STRBP: variants seen among roughly 807,000 people sequenced by gnomAD.
The protein encoded by STRBP is spermatid perinuclear RNA-binding protein.
STRBP carries 13 observed loss-of-function variants against 80.1 expected under a neutral mutation model. The ratio of observed to expected loss-of-function variants is 0.16; its 90% CI spans 0.11 to 0.26. The LOEUF is 0.26. Among genes scored for constraint, STRBP ranks in the 10% least tolerant of loss-of-function variants. The probability of loss-of-function intolerance (pLI) is 1.00; values close to 1 mark genes in which losing one functional copy is unlikely to be tolerated. For missense variants in STRBP, 485 were observed against 815.2 expected, an observed-to-expected ratio of 0.59 and a Z score of 4.93; for synonymous variants, 284 against 291.2, an observed-to-expected ratio of 0.98 and a Z score of 0.25.
At chr9:123,144,793 A>T (rs547398684) in intron 13 of STRBP, among the ~76,000 whole-genome samples, 12 of 152,336 alleles carry the variant, frequency 7.9e-5, no homozygotes, top group Admixed American at 7.2e-4. Flanking sequence ...ACCTCAAAAT[A>T]GCAAATTATG....
At chr9:123,142,147 A>C (rs2036614881) in intron 13 of STRBP, among the ~76,000 whole-genome samples, 1 of 152,188 alleles carries the variant, frequency 6.6e-6, no homozygotes, top group Admixed American at 6.5e-5. Flanking sequence ...TCTCATGTCA[A>C]ATTGAAATCC....
At chr9:123,233,948 A>C (rs541291778) in intron 2 of STRBP, among the ~76,000 whole-genome samples, 67 of 152,238 alleles carry the variant, frequency 4.4e-4, no homozygotes, top group Admixed American at 1.2e-3. Flanking sequence ...CGCCTGTAAT[A>C]CCAGCACTTT....
intron 2 of STRBP, among the ~76,000 whole-genome samples, chr9:123,192,711 C>T (rs1440391104): frequency 6.6e-6 from 1 of 152,156 alleles, no homozygotes; most frequent in Non-Finnish European, 1.5e-5. Context: ...GTCTTGTATA[C>T]CACTGTGTAA....
At chr9:123,214,634 C>G (rs2039832092) in intron 2 of STRBP, among the ~76,000 whole-genome samples, 1 of 152,164 alleles carries the variant, frequency 6.6e-6, no homozygotes, top group African/African-American at 2.4e-5. Flanking sequence ...AGAGTCAGGT[C>G]AAATGCTACC....
In STRBP at chr9:123,136,037, A is replaced by C. The variant is rs556463554; in HGVS notation, c.1773+4T>G. 7 of 1,614,064 alleles carry C rather than the reference A, an allele frequency of 4.3e-6. No individual in the cohort carries two copies. The East Asian group carries it at 1.3e-4, about 31-fold the overall frequency. On this transcript the variant is annotated splice_donor_region_variant and intron_variant, in intron 16 of 18. Transcript: ENST00000348403. The surrounding 1 kb of genome is among the most constrained non-coding windows in gnomAD (Gnocchi z 4.2). ...TTCTGCAAAGGTTTAATGTTTACTC[A>C]TACCTGAGGGATAATCTTCTTTTTC... is the stretch of plus-strand genomic sequence containing the variant.
rs1235714559 is a variant in STRBP at position 123,254,654 on chromosome 9, G to T, written c.-302+13782C>A. Among the ~76,000 whole-genome samples the T allele has an allele frequency of 2.0e-5, 3 of 151,908 alleles. No individual in the cohort carries two copies. The East Asian group carries it at 5.8e-4, about 29-fold the overall frequency. ...CAAACCAATCATGTGAAATAAAATT[G>T]CCAAGATTTAAAAAAATTTACAATA... On this transcript the variant is annotated intron_variant, in intron 1 of 18. Transcript: ENST00000348403.
rs1049500401 is a variant in STRBP, at chr9:123,123,446, T to C, written c.*2151A>G. ...TAACAAAGGACTGACAGCTCGATTATTTTAAGTAAAGCAGAGAAATGTAAA... is the reference window on the plus strand; with the variant it reads ...TAACAAAGGACTGACAGCTCGATTACTTTAAGTAAAGCAGAGAAATGTAAA... On this transcript the variant is annotated 3_prime_UTR_variant, in exon 19 of 19. Coordinates refer to ENST00000348403, the MANE Select transcript of STRBP (RefSeq NM_018387.5). 1.0e-6 allele frequency: 1 copy of C among 985,276 alleles called. No individual in the cohort carries two copies. Among genetic ancestry groups the C allele is most frequent in the Non-Finnish European group, 1.2e-6 (1 of 829,920 alleles). 61.0% of individuals were successfully genotyped at this position (985,276 alleles called of 1,614,324 possible).
At chr9:123,158,567 G>T in intron 9 of STRBP, 138 bp from the exon 10 acceptor site, 1 of 684,992 alleles carries the variant, frequency 1.5e-6, no homozygotes. Flanking sequence ...AGTCTGCTCA[G>T]TTAAGTGGAG....
chr9:123,125,712 T>G lies in STRBP; in HGVS notation c.1943-39A>C, dbSNP rs951130022. 7 of 1,494,842 alleles carry G rather than the reference T, an allele frequency of 4.7e-6. No homozygotes were observed. The African/African-American group carries it at 9.8e-5, about 21-fold the overall frequency. The allele number at this position is 1,494,842 out of a possible 1,614,324, so 92.6% of individuals were successfully genotyped here. ...AAACGGAGAGGACTCCAAATAAGTT[T>G]TAATACTCCAATAAAAATTTCAGGT... On this transcript the variant is annotated intron_variant, in intron 18 of 18. Coordinates refer to ENST00000348403, the MANE Select transcript of STRBP (RefSeq NM_018387.5).
At chr9:123,216,926 G>GA (rs1230000091) in intron 2 of STRBP, among the ~76,000 whole-genome samples, 1 of 152,164 alleles carries the variant, frequency 6.6e-6, no homozygotes. Flanking sequence ...GTACACAAGG[G>GA]AAAATCTACA....
intron 3 of STRBP, chr9:123,111,754 C>A: frequency 2.6e-6 from 1 of 385,988 alleles, no homozygotes; most frequent in Non-Finnish European, 5.3e-6. Flanking sequence ...TTCCATAAAC[C>A]CAGAAACTTC....
At chr9:123,117,399 C>T (rs1264412523), downstream of STRBP, among the ~76,000 whole-genome samples, 4 of 152,174 alleles carry the variant, frequency 2.6e-5, no homozygotes, top group Non-Finnish European at 5.9e-5. Flanking sequence ...TTCATTAGCC[C>T]AGGAGCTGGT....
intron 13 of STRBP, among the ~76,000 whole-genome samples, chr9:123,140,465 ATGCC>A (rs1358482606): frequency 1.3e-5 from 2 of 152,116 alleles, no homozygotes; most frequent in East Asian, 3.9e-4. Context: ...GTGGCGGTGC[ATGCC>A]TGTAATTCCA....
Position 123,122,630 on chromosome 9 carries a change from C to A in STRBP, c.*2967G>T. ...GAAATCTACTGGACCAATTACCTTG[C>A]ACAAGAGATGGGGTACTCCTGCAGC... is the stretch of plus-strand genomic sequence containing the variant. On this transcript the variant is annotated 3_prime_UTR_variant, in exon 19 of 19. Transcript: ENST00000348403. 1 of 1,047,848 alleles carries A rather than the reference C, an allele frequency of 9.5e-7. No individual in the cohort carries two copies. The highest frequency in any genetic ancestry group is 1.2e-6 in the Non-Finnish European group (1 of 869,126). The allele number at this position is 1,047,848 out of a possible 1,614,324, so 64.9% of individuals were successfully genotyped here. A position where few individuals can be genotyped will look rare whatever the true frequency, so the allele number is the denominator to read the frequency against.
At chr9:123,264,693 C>A (rs1329945412) in intron 1 of STRBP, among the ~76,000 whole-genome samples, 2 of 152,194 alleles carry the variant, frequency 1.3e-5, no homozygotes, top group Non-Finnish European at 2.9e-5. Context: ...AAAACCAGAA[C>A]CCAATTATTC....
At chr9:123,146,525 G>A (rs1386441753) in intron 13 of STRBP, among the ~76,000 whole-genome samples, 3 of 148,728 alleles carry the variant, frequency 2.0e-5, no homozygotes, top group East Asian at 2.0e-4. Context: ...TATATACTGT[G>A]AGCTCACTTA....
intron 2 of STRBP, among the ~76,000 whole-genome samples, chr9:123,227,623 T>G (rs1046377613): frequency 1.3e-5 from 2 of 149,088 alleles, no homozygotes; most frequent in African/African-American, 2.5e-5. Flanking sequence ...TGGAGTGCAG[T>G]GGTGCAATCT....
intron 6 of STRBP, among the ~76,000 whole-genome samples, chr9:123,169,276 C>G (rs1299332027): frequency 6.6e-6 from 1 of 150,788 alleles, no homozygotes; most frequent in Non-Finnish European, 1.5e-5. Context: ...TCAAGCAATT[C>G]TCATGTCTCA....
chr9:123,170,965 C>T (rs969052277), intron 5 of STRBP, among the ~76,000 whole-genome samples: 2 of 151,862 alleles, frequency 1.3e-5, no homozygotes, highest in Non-Finnish European at 2.9e-5. Flanking sequence ...GTAAAAATAG[C>T]ATTTTACCAT....
Sources: gnomAD v4.1 joint callset for allele counts (sites outside exome capture counted in the v4.1 genomes callset) on GRCh38, gnomAD v4.1.1 for gene constraint, Gnocchi (gnomAD v3.1) non-coding constraint, MANE v1.5 for transcripts, NCBI Gene and HGNC (gene_info 2026-07-23, HGNC 2026-07-21) for gene names.